The following SUMF1 variants were observed in gnomAD, a reference collection of about 807,000 sequenced individuals.
SUMF1 encodes the protein sulfatase modifying factor 1.
Under a neutral mutation model 47.6 loss-of-function variants are expected in SUMF1, and 48 were observed. That is an observed-to-expected ratio of 1.01 (90% CI 0.80 to 1.28). The LOEUF (loss-of-function observed/expected upper bound fraction) is 1.28. Among genes scored for constraint, SUMF1 ranks in the 50% most tolerant of loss-of-function variants. The probability of loss-of-function intolerance (pLI) is 0.00; values close to 1 mark genes in which losing one functional copy is unlikely to be tolerated. For missense variants in SUMF1, 571 were observed against 485.4 expected (o/e 1.18, Z -1.66); for synonymous variants, 230 against 192.1 (o/e 1.20, Z -1.63).
In SUMF1 at chr3:4,456,732, G is replaced by A. The variant is rs1462545427; in HGVS notation, c.271-3683C>T. Among the ~76,000 whole-genome samples the A allele has an allele frequency of 8.4e-3, 742 of 88,752 alleles. 41 individuals carry two copies. The highest frequency in any genetic ancestry group is 0.02 in the East Asian group (73 of 3,730). 58.2% of individuals were successfully genotyped at this position (88,752 alleles called of 152,430 possible). Reference sequence around the variant, plus strand: ...TATATATATACATATATATACGTGTGTATATATACACACATATATACGTGT... The same window carrying A: ...TATATATATACATATATATACGTGTATATATATACACACATATATACGTGT... On this transcript the variant is annotated intron_variant, in intron 1 of 8. Coordinates refer to ENST00000272902, the MANE Select transcript of SUMF1 (RefSeq NM_182760.4).
intron 8 of SUMF1, among the ~76,000 whole-genome samples, chr3:4,161,912 G>C (rs1199201185): frequency 1.3e-5 from 2 of 151,922 alleles, no homozygotes; most frequent in African/African-American, 4.8e-5. Flanking sequence ...AATGTGCTGG[G>C]TCACACTGGA....
intron 5 of SUMF1, 74 bp downstream of exon 5, chr3:4,417,936 A>G (rs1701767434): frequency 1.2e-6 from 2 of 1,609,710 alleles, no homozygotes; most frequent in East Asian, 2.2e-5. Flanking sequence ...AGTAAGTTCC[A>G]TGGAGTTTTT....
At chr3:4,453,180 G>C in intron 1 of SUMF1, 131 bp from the exon 2 acceptor site, 1 of 919,724 alleles carries the variant, frequency 1.1e-6, no homozygotes, top group African/African-American at 1.7e-5. Context: ...TGTAAAATTC[G>C]GAAAAATCTC....
Position 4,449,301 on chromosome 3 carries a change from A to G in SUMF1, c.484T>C (p.Leu162=), listed in dbSNP as rs1454575389. The change falls in exon 3 of 9, where the codon TTG becomes CTG. Residue 162 remains leucine (L), a synonymous_variant. Transcript: ENST00000272902. ...FGDSFVFEGM[L]SEQVKTNIQQ... is the part of the protein sequence containing the mutation. The stretch of plus-strand genomic sequence containing the variant: ...ATATTGGTCTTCACTTGCTCACTCA[A>G]CATGCCTTCAAAGACAAAGGAGTCG... 2 of 1,614,060 alleles carry G rather than the reference A, an allele frequency of 1.2e-6. No individual in the cohort carries two copies. The highest frequency in any genetic ancestry group is 4.5e-5 in the East Asian group (2 of 44,896).
chr3:4,191,667 G>C (rs1441572186), intron 8 of SUMF1, among the ~76,000 whole-genome samples: 1 of 152,122 alleles, frequency 6.6e-6, no homozygotes. Context: ...GTGTTAATTA[G>C]ATGTGTAAGA....
chr3:4,252,245 G>C (rs1269385998), intron 8 of SUMF1, among the ~76,000 whole-genome samples: 1 of 152,046 alleles, frequency 6.6e-6, no homozygotes, highest in Non-Finnish European at 1.5e-5. Flanking sequence ...TTCTCCATGA[G>C]CTACATAAGT....
chr3:4,129,185 G>A (rs1172999715), intron 8 of SUMF1, among the ~76,000 whole-genome samples: 1 of 152,030 alleles, frequency 6.6e-6, no homozygotes, highest in Non-Finnish European at 1.5e-5. Context: ...ATCTAACGGT[G>A]GGAATGACAG....
intron 6 of SUMF1, among the ~76,000 whole-genome samples, chr3:4,413,054 G>A (rs573731327): frequency 6.6e-6 from 1 of 151,734 alleles, no homozygotes; most frequent in East Asian, 2.0e-4. Context: ...ACCCAGACTG[G>A]AGTACAGTGA....
chr3:4,459,213 T>C (rs966158954), intron 1 of SUMF1, among the ~76,000 whole-genome samples: 1 of 152,178 alleles, frequency 6.6e-6, no homozygotes, highest in Admixed American at 6.5e-5. Flanking sequence ...ACAAAAAATA[T>C]AAGTATGTGA....
At chr3:4,110,356 G>C (rs528306407) in intron 8 of SUMF1, among the ~76,000 whole-genome samples, 5 of 152,246 alleles carry the variant, frequency 3.3e-5, no homozygotes, top group South Asian at 2.1e-4. Flanking sequence ...CTCCTAGTTA[G>C]GCTACTTGGG....
chr3:4,246,550 C>T (rs527485261), intron 8 of SUMF1, among the ~76,000 whole-genome samples: 13 of 152,130 alleles, frequency 8.5e-5, no homozygotes, highest in Middle Eastern at 3.4e-3. Context: ...TACAGGCGCA[C>T]GCCACCATGC....
intron 8 of SUMF1, among the ~76,000 whole-genome samples, chr3:4,153,158 AAAATTTTT>A (rs1694376140): frequency 6.6e-6 from 1 of 151,582 alleles, no homozygotes; most frequent in Admixed American, 6.5e-5. Flanking sequence ...TACATACAAT[AAAATTTTT>A]AAAAAATTGA....
intron 8 of SUMF1, chr3:4,312,887 A>G (rs1559217289): frequency 6.3e-7 from 1 of 1,598,854 alleles, no homozygotes; most frequent in East Asian, 2.2e-5. Context: ...CAGTGTGTAT[A>G]TTTTTTACAG....
At chr3:4,287,729 C>G (rs1478402586) in intron 8 of SUMF1, among the ~76,000 whole-genome samples, 2 of 152,082 alleles carry the variant, frequency 1.3e-5, no homozygotes, top group African/African-American at 4.8e-5. Context: ...CTTTGGAGTC[C>G]CAAGGTGCCT....
At chr3:4,241,921 G>A (rs760490834) in intron 8 of SUMF1, among the ~76,000 whole-genome samples, 6 of 152,166 alleles carry the variant, frequency 3.9e-5, no homozygotes, top group Admixed American at 2.0e-4. Context: ...AACACACAGG[G>A]AAGTTGACTA....
At chr3:4,424,719 T>TAGAATACAC (rs1183859343) in intron 3 of SUMF1, among the ~76,000 whole-genome samples, 1 of 152,222 alleles carries the variant, frequency 6.6e-6, no homozygotes, top group Admixed American at 6.5e-5. Flanking sequence ...AGGTAACCTA[T>TAGAATACAC]AGAATACACA....
rs116417573 is a variant in SUMF1 at position 4,402,082 on chromosome 3, T to C, written c.954+8783A>G. On this transcript the variant is annotated intron_variant, in intron 7 of 8. Coordinates refer to ENST00000272902, the MANE Select transcript of SUMF1 (RefSeq NM_182760.4). ...ACATGCTCCCCTCACTGCATTTACT[T>C]TGGGTATGGAAAAGTCATCACACTT... Among the ~76,000 whole-genome samples the C allele has an allele frequency of 4.5e-3, 689 of 152,200 alleles. 6 individuals are homozygous for C. The highest frequency in any genetic ancestry group is 0.016 in the African/African-American group (658 of 41,518).
At chr3:4,191,547 T>C (rs761354244) in intron 8 of SUMF1, among the ~76,000 whole-genome samples, 1 of 152,110 alleles carries the variant, frequency 6.6e-6, no homozygotes, top group African/African-American at 2.4e-5. Context: ...ATTCAGGCTA[T>C]GGCATGGGGA....
At chr3:4,456,070 T>C (rs1298009438) in intron 1 of SUMF1, among the ~76,000 whole-genome samples, 1 of 152,188 alleles carries the variant, frequency 6.6e-6, no homozygotes, top group African/African-American at 2.4e-5. Flanking sequence ...TGATTCAACA[T>C]ATGCAAACTA....
Sources: gnomAD v4.1 joint callset for allele counts (sites outside exome capture counted in the v4.1 genomes callset) on GRCh38, gnomAD v4.1.1 for gene constraint, MANE v1.5 for transcripts, NCBI Gene and HGNC (gene_info 2026-07-23, HGNC 2026-07-21) for gene names.